NBEAL1: variants seen among roughly 807,000 people sequenced by gnomAD.
NBEAL1 encodes neurobeachin-like protein 1.
NBEAL1 carries 273 observed loss-of-function variants against 351.3 expected under a neutral mutation model. The observed-to-expected ratio is 0.78, with a 90% CI of 0.70 to 0.86. The LOEUF is 0.86. Ranked by LOEUF, NBEAL1 falls within the 40% of genes least tolerant of loss-of-function variation. The probability of loss-of-function intolerance (pLI) is 0.00; values close to 1 mark genes in which losing one functional copy is unlikely to be tolerated. For synonymous variants in NBEAL1, 1,050 were observed against 1,086.4 expected (o/e 0.97, Z 0.66); for missense variants, 2,961 against 3,201.3 (o/e 0.92, Z 1.81).
At chr2:203,188,352 G>A in intron 44 of NBEAL1, 120 bp from the exon 45 acceptor site, 1 of 507,824 alleles carries the variant, frequency 2.0e-6, no homozygotes, top group Non-Finnish European at 3.4e-6. Context: ...ATTTTATTTT[G>A]CTGCCAGAAA....
rs1364009896 is a variant in NBEAL1, at chr2:203,108,119, T to A, written c.1880T>A (p.Phe627Tyr). ...PGSAFSFSAW[F>Y]CLDQDQLTLG... ...TCTGCCTTTTCTTTCAGTGCTTGGT[T>A]TTGCTTAGACCAGGATCAGTTGACT... The change falls in exon 14 of 56, where the codon TTT becomes TAT. Residue 627 changes from phenylalanine (F) to tyrosine (Y), a missense_variant. Physicochemically the swap from Phe to Tyr is conservative, Grantham distance 22. Coordinates refer to ENST00000683969, the MANE Select transcript of NBEAL1 (RefSeq NM_001378026.1). The A allele has an allele frequency of 1.3e-6, 2 of 1,552,130 alleles. No homozygotes were observed. Among genetic ancestry groups the A allele is most frequent in the Admixed American group, 3.9e-5 (2 of 50,994 alleles).
At chr2:203,140,953 TG>T (rs2063351384) in intron 31 of NBEAL1, among the ~76,000 whole-genome samples, 1 of 152,086 alleles carries the variant, frequency 6.6e-6, no homozygotes, top group East Asian at 1.9e-4. Flanking sequence ...TAGTCCAGCC[TG>T]GGCAACAGAG....
At chr2:203,163,130 C>T (rs1335554790) in intron 36 of NBEAL1, among the ~76,000 whole-genome samples, 1 of 152,182 alleles carries the variant, frequency 6.6e-6, no homozygotes, top group Non-Finnish European at 1.5e-5. Context: ...GCACTCCAGC[C>T]TGTGTGACAG....
chr2:203,063,966 T>C (rs1036965488), intron 6 of NBEAL1, among the ~76,000 whole-genome samples: 3 of 152,086 alleles, frequency 2.0e-5, no homozygotes, highest in African/African-American at 7.2e-5. Flanking sequence ...CACACATCAT[T>C]GTAAGATTGG....
intron 3 of NBEAL1, among the ~76,000 whole-genome samples, chr2:203,046,360 C>T (rs1171442039): frequency 1.3e-5 from 2 of 151,928 alleles, no homozygotes; most frequent in Non-Finnish European, 2.9e-5. Flanking sequence ...GGACTACAGG[C>T]ACCCGCCACC....
In NBEAL1 at chr2:203,016,316, A is replaced by G; in HGVS notation, c.-69A>G. Reference sequence around the variant, plus strand: ...AACGGCTGAAAAACTTGGAAAATAAAATGGACATGCTGTAGTCTTGAACAT... The same window carrying G: ...AACGGCTGAAAAACTTGGAAAATAAGATGGACATGCTGTAGTCTTGAACAT... On this transcript the variant is annotated 5_prime_UTR_variant, in exon 2 of 56. Coordinates refer to ENST00000683969, the MANE Select transcript of NBEAL1 (RefSeq NM_001378026.1). 6 of 1,133,244 alleles carry G rather than the reference A, an allele frequency of 5.3e-6. No individual in the cohort carries two copies. Among genetic ancestry groups the G allele is most frequent in the Non-Finnish European group, 7.4e-6 (6 of 812,700 alleles). 70.2% of individuals were successfully genotyped at this position (1,133,244 alleles called of 1,614,324 possible).
rs971802905 is a variant in NBEAL1, at chr2:203,222,892, T to C, written c.*5538T>C. Among the ~76,000 whole-genome samples the C allele has an allele frequency of 6.6e-6, 1 of 152,182 alleles. No individual in the cohort carries two copies. Among genetic ancestry groups the C allele is most frequent in the African/African-American group, 2.4e-5 (1 of 41,442 alleles). On this transcript the variant is annotated 3_prime_UTR_variant, in exon 56 of 56. Coordinates refer to ENST00000683969, the MANE Select transcript of NBEAL1 (RefSeq NM_001378026.1). ...GAAATAATCTTTAATTTTTTATAGG[T>C]ATAACAGAGAAGAACGCATTAACAT...
intron 10 of NBEAL1, chr2:203,085,444 T>G (rs755228910): frequency 2.8e-4 from 42 of 152,332 alleles, no homozygotes; most frequent in Non-Finnish European, 4.8e-4. Flanking sequence ...GTGTACCAAT[T>G]GTGTATCAGA....
At chr2:203,071,422 T>C (rs1319588458) in intron 7 of NBEAL1, among the ~76,000 whole-genome samples, 1 of 152,162 alleles carries the variant, frequency 6.6e-6, no homozygotes, top group African/African-American at 2.4e-5. Context: ...TCATTTAACT[T>C]TAATCACTTC....
At chr2:203,047,221 A>G (rs1574892650) in intron 3 of NBEAL1, among the ~76,000 whole-genome samples, 1 of 151,924 alleles carries the variant, frequency 6.6e-6, no homozygotes, top group Non-Finnish European at 1.5e-5. Flanking sequence ...CTGGGCAACA[A>G]GAGCGAAACT....
In NBEAL1 at chr2:203,167,210, A is replaced by T; in HGVS notation, c.5864-17A>T. On this transcript the variant is annotated splice_polypyrimidine_tract_variant and intron_variant, in intron 37 of 55. Coordinates refer to ENST00000683969, the MANE Select transcript of NBEAL1 (RefSeq NM_001378026.1). ...CTTTATATGGTATCTCAGTCACAAG[A>T]TTTCTTCCGTTTTCAGGAGTAGGCT... is the stretch of plus-strand genomic sequence containing the variant. 6.3e-7 allele frequency: 1 copy of T among 1,596,616 alleles called. No individual in the cohort carries two copies. The highest frequency in any genetic ancestry group is 1.1e-5 in the South Asian group (1 of 87,772).
At chr2:203,096,142 CTATTTGATGAGG>C (rs780953248) in intron 10 of NBEAL1, among the ~76,000 whole-genome samples, 1 of 152,122 alleles carries the variant, frequency 6.6e-6, no homozygotes, top group Non-Finnish European at 1.5e-5. Context: ...ATATGTATAG[CTATTTGATGAGG>C]TATTTTTCTC....
At chr2:203,125,904 G>A in intron 20 of NBEAL1, 56 bp from the exon 21 acceptor site, 1 of 1,381,258 alleles carries the variant, frequency 7.2e-7, no homozygotes, top group Non-Finnish European at 9.6e-7. Context: ...TATAGAAAAT[G>A]TGATATAAAA....
chr2:203,196,018 T>C (rs2065232486), intron 47 of NBEAL1, among the ~76,000 whole-genome samples: 1 of 152,212 alleles, frequency 6.6e-6, no homozygotes, highest in Admixed American at 6.5e-5. Flanking sequence ...AAGGCCAGTC[T>C]TGCAAGTAGG....
At chr2:203,021,124 C>T (rs982454833) in intron 2 of NBEAL1, among the ~76,000 whole-genome samples, 1 of 152,012 alleles carries the variant, frequency 6.6e-6, no homozygotes, top group Admixed American at 6.6e-5. Flanking sequence ...GACGGGGTTT[C>T]ACCATGTTGG....
chr2:203,097,073 G>A (rs375505475), intron 10 of NBEAL1, among the ~76,000 whole-genome samples: 8 of 152,286 alleles, frequency 5.3e-5, no homozygotes, highest in South Asian at 4.2e-4. Flanking sequence ...CTCACATGGC[G>A]TCAGACAAGA....
chr2:203,146,027 A>G (rs1302546002), intron 33 of NBEAL1, among the ~76,000 whole-genome samples: 1 of 151,818 alleles, frequency 6.6e-6, no homozygotes, highest in Admixed American at 6.6e-5. Flanking sequence ...GAATGATGTG[A>G]AAAATTATTT....
At chr2:203,083,937 T>C (rs2061917477) in intron 9 of NBEAL1, among the ~76,000 whole-genome samples, 1 of 151,768 alleles carries the variant, frequency 6.6e-6, no homozygotes, top group Non-Finnish European at 1.5e-5. Flanking sequence ...GCCCTTTCTC[T>C]AGAGGGCCTC....
At chr2:203,052,544 C>G (rs1247329877) in intron 4 of NBEAL1, 1 of 151,982 alleles carries the variant, frequency 6.6e-6, no homozygotes, top group African/African-American at 2.4e-5. Context: ...TAAGGGTCCT[C>G]CATGACTTTT....
Sources: allele counts gnomAD v4.1 joint callset (sites outside exome capture counted in the v4.1 genomes callset), GRCh38; gene constraint gnomAD v4.1.1; transcripts MANE v1.5; gene names NCBI Gene and HGNC (gene_info 2026-07-23, HGNC 2026-07-21).